The following PDE4D variants were observed in gnomAD, a reference collection of about 807,000 sequenced individuals.
PDE4D encodes 3',5'-cyclic-AMP phosphodiesterase 4D.
A neutral mutation model predicts 87.4 loss-of-function variants in PDE4D; 24 were observed. The ratio of observed to expected loss-of-function variants is 0.27; its 90% CI spans 0.20 to 0.39. The LOEUF (loss-of-function observed/expected upper bound fraction) is 0.39. PDE4D is among the 10% of genes least tolerant of loss of function. The pLI is 1.00. For missense variants in PDE4D, 714 were observed against 1,041.0 expected (o/e 0.69, Z 4.32); for synonymous variants, 384 against 383.2 (o/e 1.00, Z -0.02).
intron 1 of PDE4D, among the ~76,000 whole-genome samples, chr5:59,668,845 GGAAGAAGAAGAAGAA>G (rs1208323931): frequency 0.019 from 1,157 of 62,024 alleles, 17 homozygotes; most frequent in Middle Eastern, 0.045. Context: ...AAGAGGAAGA[GGAAGAAGAAGAAGAA>G]GAAGAAGAAG....
chr5:58,977,344 G>A lies in PDE4D; in HGVS notation c.1554C>T (p.Asn518=). Residue 518 remains asparagine, a splice_region_variant and synonymous_variant, in exon 12 of 15, where the codon AAC becomes AAT. Coordinates refer to ENST00000340635, the MANE Select transcript of PDE4D (RefSeq NM_001104631.2). ...CATTGTACATCAAGGCAAGTTCAGA[G>A]TCTGTAAAAAAGACAAAAGGCCAAA... ...GVSNQFLINT[N]SELALMYNDS... The A allele has an allele frequency of 6.2e-7, 1 of 1,603,672 alleles. No homozygotes were observed.
intron 1 of PDE4D, among the ~76,000 whole-genome samples, chr5:60,248,457 G>T (rs1372378285): frequency 1.3e-5 from 2 of 152,014 alleles, no homozygotes; most frequent in Non-Finnish European, 2.9e-5. Flanking sequence ...TGGCAGGTTT[G>T]GGCAGAGGAG....
intron 1 of PDE4D, among the ~76,000 whole-genome samples, chr5:59,367,965 G>C (rs570147270): frequency 1.3e-5 from 2 of 152,366 alleles, no homozygotes; most frequent in East Asian, 1.9e-4. Context: ...GGAGCTAGCT[G>C]TTTGCACAGC....
chr5:59,592,235 T>TC, intron 1 of PDE4D: 3 of 693,978 alleles, frequency 4.3e-6, no homozygotes, highest in Non-Finnish European at 5.3e-6. Context: ...CTAATAACGA[T>TC]GTTGATAGTC....
chr5:59,976,718 T>C (rs1761373516), intron 3 of PDE4D, among the ~76,000 whole-genome samples: 1 of 152,212 alleles, frequency 6.6e-6, no homozygotes, highest in African/African-American at 2.4e-5. Flanking sequence ...CAATTGAATA[T>C]TGTGGCAATG....
intron 1 of PDE4D, among the ~76,000 whole-genome samples, chr5:59,822,137 T>A (rs970041423): frequency 1.3e-5 from 2 of 152,214 alleles, no homozygotes; most frequent in Non-Finnish European, 2.9e-5. Flanking sequence ...ATTGGTCTAT[T>A]TATATATGAT....
intron 1 of PDE4D, among the ~76,000 whole-genome samples, chr5:59,871,561 A>T (rs1345631788): frequency 1.3e-5 from 2 of 152,228 alleles, no homozygotes; most frequent in Non-Finnish European, 2.9e-5. Flanking sequence ...TGCTGTGTGA[A>T]AGGTACCATG....
At chr5:60,509,703 T>C (rs1231432972) in intron 1 of PDE4D, among the ~76,000 whole-genome samples, 2 of 152,216 alleles carry the variant, frequency 1.3e-5, no homozygotes, top group Non-Finnish European at 2.9e-5. Context: ...CTCTCCCAGT[T>C]GTACCTGACC....
intron 1 of PDE4D, among the ~76,000 whole-genome samples, chr5:59,256,949 T>C (rs1388457606): frequency 6.6e-6 from 1 of 152,074 alleles, no homozygotes; most frequent in African/African-American, 2.4e-5. Flanking sequence ...ATCAACATAC[T>C]GTCAAGTGCA....
At chr5:60,132,999 C>A (rs990857048) in intron 2 of PDE4D, among the ~76,000 whole-genome samples, 2 of 152,118 alleles carry the variant, frequency 1.3e-5, no homozygotes, top group African/African-American at 2.4e-5. Context: ...ATAGTGTAGT[C>A]CATTGCCTCT....
At chr5:59,753,123 A>G (rs1338312039) in intron 1 of PDE4D, among the ~76,000 whole-genome samples, 1 of 152,210 alleles carries the variant, frequency 6.6e-6, no homozygotes, top group Non-Finnish European at 1.5e-5. Flanking sequence ...CACCTCTGCT[A>G]TAGATAGTGG....
At chr5:60,334,502 A>G (rs772351937) in intron 1 of PDE4D, among the ~76,000 whole-genome samples, 1 of 152,156 alleles carries the variant, frequency 6.6e-6, no homozygotes, top group African/African-American at 2.4e-5. Flanking sequence ...TCTAAGCATC[A>G]GGATTTCTGA....
intron 2 of PDE4D, among the ~76,000 whole-genome samples, chr5:60,157,327 A>G (rs1782061709): frequency 1.3e-5 from 2 of 152,164 alleles, no homozygotes; most frequent in African/African-American, 4.8e-5. Context: ...TTGAACATCT[A>G]CTAAGTACCA....
intron 5 of PDE4D, among the ~76,000 whole-genome samples, chr5:59,045,245 A>G (rs1421644222): frequency 6.6e-6 from 1 of 152,194 alleles, no homozygotes; most frequent in African/African-American, 2.4e-5. Flanking sequence ...AAGCACACAG[A>G]CCTATGATGA....
chr5:60,084,432 G>T (rs529752579), intron 2 of PDE4D, among the ~76,000 whole-genome samples: 1 of 151,856 alleles, frequency 6.6e-6, no homozygotes, highest in Non-Finnish European at 1.5e-5. Flanking sequence ...GCATGCGCAC[G>T]CATGTGTGTG....
intron 2 of PDE4D, among the ~76,000 whole-genome samples, chr5:60,121,698 GA>G (rs1778699843): frequency 6.6e-6 from 1 of 152,070 alleles, no homozygotes; most frequent in Non-Finnish European, 1.5e-5. Context: ...TTTGGGTGGG[GA>G]CACGGAGCTA....
chr5:59,520,640 A>C (rs1039410707), intron 1 of PDE4D, among the ~76,000 whole-genome samples: 32 of 152,238 alleles, frequency 2.1e-4, no homozygotes, highest in African/African-American at 7.2e-4. Flanking sequence ...GATAGGAAAG[A>C]GGCCAAGTTT....
chr5:59,896,854 T>C (rs1359803742), upstream of PDE4D, among the ~76,000 whole-genome samples: 1 of 152,202 alleles, frequency 6.6e-6, no homozygotes, highest in Non-Finnish European at 1.5e-5. Flanking sequence ...CTCCCAGCCT[T>C]CCATTTAAAA....
At chr5:59,112,021 C>T (rs192416062) in intron 5 of PDE4D, among the ~76,000 whole-genome samples, 1 of 152,212 alleles carries the variant, frequency 6.6e-6, no homozygotes, top group Admixed American at 6.5e-5. Flanking sequence ...TGCTATGAAA[C>T]AAGCACTCAT....
Sources: allele counts gnomAD v4.1 joint callset (sites outside exome capture counted in the v4.1 genomes callset), GRCh38; gene constraint gnomAD v4.1.1; transcripts MANE v1.5; gene names NCBI Gene and HGNC (gene_info 2026-07-23, HGNC 2026-07-21).